Variants in SCN3B observed in about 807,000 individuals in gnomAD.
SCN3B encodes the protein sodium voltage-gated channel beta subunit 3, also known as sodium channel regulatory subunit beta-3.
Under a neutral mutation model 25.4 loss-of-function variants are expected in SCN3B, and 11 were observed. That is an observed-to-expected ratio of 0.43 (90% CI 0.27 to 0.72). The LOEUF (loss-of-function observed/expected upper bound fraction) is 0.72. Ranked by LOEUF, SCN3B falls within the 30% of genes least tolerant of loss-of-function variation. The probability of loss-of-function intolerance (pLI) is 0.18; values close to 1 mark genes in which losing one functional copy is unlikely to be tolerated. For missense variants in SCN3B, 218 were observed against 278.3 expected, an observed-to-expected ratio of 0.78 and a Z score of 1.54; for synonymous variants, 109 against 110.7, an observed-to-expected ratio of 0.99 and a Z score of 0.09.
intron 2 of SCN3B, among the ~76,000 whole-genome samples, chr11:123,652,914 T>A (rs976843187): frequency 2.6e-5 from 4 of 152,120 alleles, no homozygotes; most frequent in African/African-American, 9.7e-5. Context: ...AATCAGACAT[T>A]ATCACATAGA....
chr11:123,646,343 G>A (rs1366923530), intron 2 of SCN3B, among the ~76,000 whole-genome samples: 1 of 152,206 alleles, frequency 6.6e-6, no homozygotes, highest in Non-Finnish European at 1.5e-5. Context: ...AGGAAGAGAA[G>A]GATGGTGAAA....
chr11:123,640,353 G>A (rs1033026985), intron 4 of SCN3B: 4 of 152,260 alleles, frequency 2.6e-5, no homozygotes, highest in Non-Finnish European at 5.9e-5. Flanking sequence ...GGGCCAGGAG[G>A]TGACAGCCAA....
Position 123,642,427 on chromosome 11 carries a change from C to T in SCN3B, c.445+19G>A. 6.2e-7 allele frequency: 1 copy of T among 1,613,024 alleles called. No individual in the cohort carries two copies. The highest frequency in any genetic ancestry group is 1.3e-5 in the African/African-American group (1 of 75,002). On this transcript the variant is annotated intron_variant, in intron 4 of 6. Transcript: ENST00000299333. This position sits in a 1 kb window ranked among gnomAD's most constrained non-coding sequence, Gnocchi z 4.3. ...CACAGAGAGCAGGACGCCCTAGAGA[C>T]CCTGTGCCTCAGCCTCACCCTCCTC... is the stretch of plus-strand genomic sequence containing the variant.
intron 2 of SCN3B, among the ~76,000 whole-genome samples, chr11:123,646,373 G>A (rs1429981752): frequency 6.6e-6 from 1 of 152,222 alleles, no homozygotes; most frequent in Non-Finnish European, 1.5e-5. Context: ...AGAAAGGTAG[G>A]CAGGGCCCAT....
rs1955649436 is a variant in SCN3B at position 123,629,989 on chromosome 11, G to A, written c.*3810C>T. 1 of 152,234 alleles carries A rather than the reference G, an allele frequency of 6.6e-6. No homozygotes were observed. Among genetic ancestry groups the A allele is most frequent in the South Asian group, 2.1e-4 (1 of 4,830 alleles). The allele number at this position is 152,234 out of a possible 1,614,324, so 9.4% of individuals were successfully genotyped here. On this transcript the variant is annotated 3_prime_UTR_variant, in exon 7 of 7. Transcript: ENST00000299333. ...TGTGAGGAGGACTCACAGATTCTGAGATGGATGGAATTTCTTTTTTGATCC... is the reference window on the plus strand; with the variant it reads ...TGTGAGGAGGACTCACAGATTCTGAAATGGATGGAATTTCTTTTTTGATCC...
chr11:123,651,248 T>C (rs1326894300), intron 2 of SCN3B, among the ~76,000 whole-genome samples: 1 of 152,152 alleles, frequency 6.6e-6, no homozygotes, highest in Non-Finnish European at 1.5e-5. Flanking sequence ...CCCTTCATAT[T>C]GTACATCATA....
chr11:123,645,592 A>T lies in SCN3B; in HGVS notation c.214T>A (p.Phe72Ile). The part of the protein sequence containing the change: ...WFYRPEGGKD[F>I]LIYEYRNGHQ... Reference sequence around the variant, plus strand: ...GAGTCAGCAGTCTAACATACAAGGAAATCTTTACCGCCCTCGGGCCTGTAG... The same window carrying T: ...GAGTCAGCAGTCTAACATACAAGGATATCTTTACCGCCCTCGGGCCTGTAG... The change falls in exon 3 of 7, where the codon TTC (phenylalanine) becomes ATC (isoleucine). Residue 72 changes from phenylalanine (F) to isoleucine (I), a missense_variant. Transcript: ENST00000299333. 2 of 1,614,082 alleles carry T rather than the reference A, an allele frequency of 1.2e-6. No homozygotes were observed. The highest frequency in any genetic ancestry group is 1.7e-6 in the Non-Finnish European group (2 of 1,180,012).
chr11:123,650,098 A>G (rs1955906914), intron 2 of SCN3B, among the ~76,000 whole-genome samples: 2 of 152,170 alleles, frequency 1.3e-5, no homozygotes, highest in Non-Finnish European at 2.9e-5. Context: ...TAAAAGTAAC[A>G]AACTCTTGGA....
chr11:123,635,267 G>A (rs1955711378), intron 5 of SCN3B, among the ~76,000 whole-genome samples: 1 of 152,122 alleles, frequency 6.6e-6, no homozygotes, highest in Admixed American at 6.6e-5. Flanking sequence ...TCACTGTAAC[G>A]TCATCTCTCT....
At chr11:123,653,251 C>T (rs1181756567) in intron 2 of SCN3B, among the ~76,000 whole-genome samples, 4 of 151,792 alleles carry the variant, frequency 2.6e-5, no homozygotes, top group African/African-American at 9.7e-5. Context: ...TCTTCCCATT[C>T]CTTGTTAAAA....
At position 123,630,096 on chromosome 11, in the gene SCN3B, A is replaced by G. The variant is rs1955651134; in HGVS notation, c.*3703T>C. On this transcript the variant is annotated 3_prime_UTR_variant, in exon 7 of 7. Coordinates refer to ENST00000299333, the MANE Select transcript of SCN3B (RefSeq NM_001040151.2). Reference sequence around the variant, plus strand: ...GCTTTGAAAAGTAACTTTCCTAGTAATATTTCTAGTTGGACATCTAAGGAG... The same window carrying G: ...GCTTTGAAAAGTAACTTTCCTAGTAGTATTTCTAGTTGGACATCTAAGGAG... 6.6e-6 allele frequency: 1 copy of G among 152,230 alleles called. No individual in the cohort carries two copies. Among genetic ancestry groups the G allele is most frequent in the Non-Finnish European group, 1.5e-5 (1 of 68,032 alleles). 9.4% of individuals were successfully genotyped at this position (152,230 alleles called of 1,614,324 possible).
intron 2 of SCN3B, among the ~76,000 whole-genome samples, chr11:123,646,189 C>T (rs952644074): frequency 3.3e-5 from 5 of 152,208 alleles, no homozygotes; most frequent in African/African-American, 1.2e-4. Context: ...AAAACACTAA[C>T]CATGCCCTAA....
At chr11:123,644,554 C>T (rs1339998903) in intron 3 of SCN3B, among the ~76,000 whole-genome samples, 1 of 152,022 alleles carries the variant, frequency 6.6e-6, no homozygotes, top group African/African-American at 2.4e-5. Context: ...GGTGGATCAC[C>T]TGAGGTCAGG....
At chr11:123,653,325 G>GTT (rs3862615) in intron 2 of SCN3B, among the ~76,000 whole-genome samples, 8,718 of 145,338 alleles carry the variant, frequency 0.06, 314 homozygotes, top group Middle Eastern at 0.11. Context: ...AGCTTTTATG[G>GTT]TTTTTTTTTT....
In SCN3B at chr11:123,632,898, T is replaced by C. The variant is rs1272164903; in HGVS notation, c.*901A>G. On this transcript the variant is annotated 3_prime_UTR_variant, in exon 7 of 7. Transcript: ENST00000299333. ...CCAGTTTATCCTCTTAAGCCTCTTA[T>C]TCAGTTGAGCCCTGTATGAGTCTTA... The C allele has an allele frequency of 1.3e-5, 2 of 152,234 alleles. No homozygotes were observed. Among genetic ancestry groups the C allele is most frequent in the Admixed American group, 1.3e-4 (2 of 15,284 alleles). The allele number at this position is 152,234 out of a possible 1,614,324, so 9.4% of individuals were successfully genotyped here. A position where few individuals can be genotyped will look rare whatever the true frequency, so the allele number is the denominator to read the frequency against.
rs917548996 is a variant in SCN3B at position 123,633,747 on chromosome 11, G to A, written c.*52C>T. On this transcript the variant is annotated 3_prime_UTR_variant, in exon 7 of 7. Coordinates refer to ENST00000299333, the MANE Select transcript of SCN3B (RefSeq NM_001040151.2). Reference sequence around the variant, plus strand: ...ATGCCATTGACATTGCTGAACATGGGATGTCCAGTCCCTCAGGTGTTCAGG... The same window carrying A: ...ATGCCATTGACATTGCTGAACATGGAATGTCCAGTCCCTCAGGTGTTCAGG... 1.3e-5 allele frequency: 4 copies of A among 306,484 alleles called. No individual in the cohort carries two copies. The highest frequency in any genetic ancestry group is 8.6e-5 in the African/African-American group (4 of 46,248). 19.0% of individuals were successfully genotyped at this position (306,484 alleles called of 1,614,324 possible). A position where few individuals can be genotyped will look rare whatever the true frequency, so the allele number is the denominator to read the frequency against.
chr11:123,653,151 C>CA (rs3884445), intron 2 of SCN3B, among the ~76,000 whole-genome samples: 2,784 of 144,260 alleles, frequency 0.019, 75 homozygotes, highest in African/African-American at 0.06. Flanking sequence ...ACAAACAAAC[C>CA]AAAAAAAAAA....
Position 123,651,373 on chromosome 11 carries a change from CTT to C in SCN3B, c.55+2372_55+2373del, listed in dbSNP as rs35858155. Among the ~76,000 whole-genome samples, 445 of 148,168 alleles carry C rather than the reference CTT, an allele frequency of 3.0e-3. 6 individuals are homozygous for C. Among genetic ancestry groups the C allele is most frequent in the African/African-American group, 0.011 (434 of 40,648 alleles). On this transcript the variant is annotated intron_variant, in intron 2 of 6. Coordinates refer to ENST00000299333, the MANE Select transcript of SCN3B (RefSeq NM_001040151.2). ...CTGTGAAGGGCGGCTGTTTTTCTTT[CTT>C]TTTTTTTTGATGGAGTCTCGCCCTG...
rs369875727 is a variant in SCN3B, at chr11:123,653,686, T to C, written c.55+61A>G. Reference sequence around the variant, plus strand: ...TTCTGTCACCAACGACATCAATGTGTTATTATTGTTAGCATTGTTACTGTT... The same window carrying C: ...TTCTGTCACCAACGACATCAATGTGCTATTATTGTTAGCATTGTTACTGTT... On this transcript the variant is annotated intron_variant, in intron 2 of 6. Transcript: ENST00000299333. 24 of 1,566,496 alleles carry C rather than the reference T, an allele frequency of 1.5e-5. No homozygotes were observed. The East Asian group carries it at 2.9e-4, about 19-fold the overall frequency.
Sources: gnomAD v4.1 joint callset for allele counts (sites outside exome capture counted in the v4.1 genomes callset) on GRCh38, gnomAD v4.1.1 for gene constraint, Gnocchi (gnomAD v3.1) non-coding constraint, MANE v1.5 for transcripts, NCBI Gene and HGNC (gene_info 2026-07-23, HGNC 2026-07-21) for gene names.